RERE: variants seen among roughly 807,000 people sequenced by gnomAD.
RERE encodes the protein arginine-glutamic acid dipeptide repeats.
A neutral mutation model predicts 146.1 loss-of-function variants in RERE; 40 were observed. That is an observed-to-expected ratio of 0.27 (90% CI 0.21 to 0.36). The LOEUF (loss-of-function observed/expected upper bound fraction) is 0.36, where lower values mean the gene tolerates loss of function less well. Among genes scored for constraint, RERE ranks in the 10% least tolerant of loss-of-function variants. The pLI is 1.00. For synonymous variants in RERE, 1,003 were observed against 866.0 expected (o/e 1.16, Z -2.78); for missense variants, 1,933 against 2,138.7 (o/e 0.90, Z 1.90).
Position 8,541,299 on chromosome 1 carries a change from G to A in RERE, c.745C>T (p.His249Tyr). 1 of 1,607,634 alleles carries A rather than the reference G, an allele frequency of 6.2e-7. No homozygotes were observed. Among genetic ancestry groups the A allele is most frequent in the South Asian group, 1.1e-5 (1 of 90,608 alleles). ...AALRGKCNIS[H>Y]FSDIFAAREF... ...CTAGCAGCAAATATGTCAGAAAAAT[G>A]GGAGATGTTACACTTCCCTCTGGGA... Residue 249 changes from histidine to tyrosine, a missense_variant, in exon 7 of 23, where the codon CAT becomes TAT. By Grantham distance (83) the His-to-Tyr change is moderately conservative. Transcript: ENST00000400908.
intron 1 of RERE, among the ~76,000 whole-genome samples, chr1:8,717,362 AAT>A (rs1264131775): frequency 6.6e-6 from 1 of 152,224 alleles, no homozygotes; most frequent in Non-Finnish European, 1.5e-5. Context: ...ATCGATTGAG[AAT>A]ACTGAATTTT....
At chr1:8,812,198 G>T (rs531503172) in intron 1 of RERE, among the ~76,000 whole-genome samples, 31 of 152,288 alleles carry the variant, frequency 2.0e-4, no homozygotes, top group African/African-American at 7.5e-4. Flanking sequence ...TTCGACTTCT[G>T]ATGCAAATAC....
At chr1:8,512,273 T>C (rs1285864693) in intron 7 of RERE, among the ~76,000 whole-genome samples, 1 of 151,402 alleles carries the variant, frequency 6.6e-6, no homozygotes, top group Non-Finnish European at 1.5e-5. Context: ...GACCTCATGA[T>C]CCACCCGCCT....
intron 4 of RERE, among the ~76,000 whole-genome samples, chr1:8,602,829 T>C (rs1646650209): frequency 1.4e-5 from 2 of 145,228 alleles, no homozygotes; most frequent in South Asian, 2.2e-4. Context: ...TATTTCTTCA[T>C]CTGATTAAAA....
chr1:8,811,667 C>T (rs923091850), intron 1 of RERE, among the ~76,000 whole-genome samples: 1 of 152,200 alleles, frequency 6.6e-6, no homozygotes, highest in Non-Finnish European at 1.5e-5. Context: ...TGAATGTGTC[C>T]GTGCATGCTC....
chr1:8,544,675 T>C (rs1645837465), intron 6 of RERE, among the ~76,000 whole-genome samples: 1 of 152,324 alleles, frequency 6.6e-6, no homozygotes, highest in East Asian at 1.9e-4. Context: ...GAGGGGAATA[T>C]GCCAGGTCTT....
chr1:8,542,699 T>C (rs967487931), intron 6 of RERE, among the ~76,000 whole-genome samples: 1 of 152,044 alleles, frequency 6.6e-6, no homozygotes. Flanking sequence ...TAGATGGGAG[T>C]CTCACTAGGT....
At chr1:8,385,695 A>C (rs1642614554) in intron 12 of RERE, among the ~76,000 whole-genome samples, 1 of 150,540 alleles carries the variant, frequency 6.6e-6, no homozygotes, top group African/African-American at 2.5e-5. Context: ...GCCTTCTACC[A>C]AACAAACAAA....
chr1:8,719,263 T>C (rs1639818357), intron 1 of RERE, among the ~76,000 whole-genome samples: 1 of 152,112 alleles, frequency 6.6e-6, no homozygotes, highest in African/African-American at 2.4e-5. Context: ...CCTTCATCAG[T>C]CACCACTAGG....
At chr1:8,367,697 C>G (rs891181323) in intron 12 of RERE, among the ~76,000 whole-genome samples, 1 of 152,196 alleles carries the variant, frequency 6.6e-6, no homozygotes, top group African/African-American at 2.4e-5. Flanking sequence ...AATGCAGATA[C>G]TGCCATTGGA....
At chr1:8,683,768 C>A (rs1333681814) in intron 1 of RERE, among the ~76,000 whole-genome samples, 1 of 152,138 alleles carries the variant, frequency 6.6e-6, no homozygotes, top group Non-Finnish European at 1.5e-5. Context: ...CATGGCAAAA[C>A]CCCATCTCTA....
At chr1:8,403,186 C>T (rs995411812) in intron 12 of RERE, among the ~76,000 whole-genome samples, 5 of 151,442 alleles carry the variant, frequency 3.3e-5, no homozygotes, top group African/African-American at 1.2e-4. Context: ...CATGAGCCAC[C>T]GCGCCCGGCC....
chr1:8,447,075 T>G (rs2124041859), intron 11 of RERE, among the ~76,000 whole-genome samples: 1 of 151,628 alleles, frequency 6.6e-6, no homozygotes, highest in East Asian at 2.0e-4. Context: ...TTCTGCTTGA[T>G]CAATTCGGCT....
At chr1:8,383,087 C>T (rs61670719) in intron 12 of RERE, among the ~76,000 whole-genome samples, 2,272 of 150,538 alleles carry the variant, frequency 0.015, 57 homozygotes, top group African/African-American at 0.053. Flanking sequence ...TCCCCTAGAA[C>T]GACAGTGCCT....
chr1:8,717,218 A>G (rs1382226948), intron 1 of RERE, among the ~76,000 whole-genome samples: 2 of 152,210 alleles, frequency 1.3e-5, no homozygotes, highest in African/African-American at 2.4e-5. Flanking sequence ...ATAGTCAGCT[A>G]ATGGTTTTTG....
intron 4 of RERE, among the ~76,000 whole-genome samples, chr1:8,609,596 G>A (rs1331799319): frequency 6.6e-6 from 1 of 152,080 alleles, no homozygotes; most frequent in Non-Finnish European, 1.5e-5. Flanking sequence ...GGAAGCCACA[G>A]TAAATAATGA....
intron 2 of RERE, among the ~76,000 whole-genome samples, chr1:8,629,527 A>G (rs1036619930): frequency 6.6e-6 from 1 of 152,168 alleles, no homozygotes; most frequent in African/African-American, 2.4e-5. Flanking sequence ...AACCCTCAGC[A>G]AATCAGCAGG....
intron 11 of RERE, among the ~76,000 whole-genome samples, chr1:8,440,584 C>CA (rs1161566618): frequency 1.2e-4 from 17 of 142,020 alleles, no homozygotes; most frequent in Admixed American, 2.8e-4. Flanking sequence ...AGCGAGACTC[C>CA]ACCTAAAAAA....
In RERE at chr1:8,707,612, A is replaced by T. The variant is rs200306806; in HGVS notation, c.-144-51171T>A. 9.8e-5 allele frequency among the ~76,000 whole-genome samples: 15 copies of T among 152,346 alleles called. No homozygotes were observed. In the East Asian group the frequency reaches 2.7e-3, roughly 27 times the overall value. The stretch of plus-strand genomic sequence containing the variant: ...GTGTCAAAATTCTAACTATCAAGTT[A>T]CCTGAGACAATCAACATTCTTTCCT... On this transcript the variant is annotated intron_variant, in intron 1 of 22. Coordinates refer to ENST00000400908, the MANE Select transcript of RERE (RefSeq NM_001042681.2).
Sources: allele counts gnomAD v4.1 joint callset (sites outside exome capture counted in the v4.1 genomes callset), GRCh38; gene constraint gnomAD v4.1.1; transcripts MANE v1.5; gene names NCBI Gene and HGNC (gene_info 2026-07-23, HGNC 2026-07-21).